PAK1: variants seen among roughly 807,000 people sequenced by gnomAD.
PAK1 encodes serine/threonine-protein kinase PAK 1.
In PAK1, 29 loss-of-function variants were observed where a neutral mutation model predicts 67.4. The ratio of observed to expected loss-of-function variants is 0.43; its 90% CI spans 0.32 to 0.59. The LOEUF (loss-of-function observed/expected upper bound fraction) is 0.59. Among genes scored for constraint, PAK1 ranks in the 20% least tolerant of loss-of-function variants. PAK1 has a pLI of 0.07. For missense variants in PAK1, 337 were observed against 670.7 expected, an observed-to-expected ratio of 0.50 and a Z score of 5.50; for synonymous variants, 223 against 237.4, an observed-to-expected ratio of 0.94 and a Z score of 0.56.
intron 1 of PAK1, among the ~76,000 whole-genome samples, chr11:77,402,324 T>C (rs1592280995): frequency 6.6e-6 from 1 of 152,178 alleles, no homozygotes; most frequent in Admixed American, 6.5e-5. Context: ...AGGCTGGCTC[T>C]GTACCTCTAA....
intron 1 of PAK1, among the ~76,000 whole-genome samples, chr11:77,394,002 CTAAA>C (rs1951506550): frequency 6.6e-6 from 1 of 151,894 alleles, no homozygotes. Context: ...GACTCTGTCT[CTAAA>C]TAAATAAAGA....
intron 1 of PAK1, among the ~76,000 whole-genome samples, chr11:77,424,097 C>A (rs1955427064): frequency 6.6e-6 from 1 of 152,230 alleles, no homozygotes; most frequent in Non-Finnish European, 1.5e-5. Context: ...GAAACCACTG[C>A]AGCTACTTCT....
chr11:77,361,538 T>C (rs1051483934), intron 5 of PAK1, among the ~76,000 whole-genome samples: 11 of 152,178 alleles, frequency 7.2e-5, no homozygotes, highest in African/African-American at 2.7e-4. Context: ...TGGAGGACTG[T>C]GAGTAGAACA....
chr11:77,413,290 A>T (rs947018449), intron 1 of PAK1, among the ~76,000 whole-genome samples: 1 of 152,204 alleles, frequency 6.6e-6, no homozygotes, highest in Non-Finnish European at 1.5e-5. Flanking sequence ...CTTCTCTCAG[A>T]GGTTCAGGCA....
chr11:77,471,636 T>C (rs1957860914), intron 1 of PAK1, among the ~76,000 whole-genome samples: 1 of 152,208 alleles, frequency 6.6e-6, no homozygotes, highest in African/African-American at 2.4e-5. Context: ...AAAGTGAGAC[T>C]GCAAAGGCAG....
the PAK1 span, among the ~76,000 whole-genome samples, chr11:77,520,180 T>C: frequency 1.3e-5 from 2 of 152,202 alleles, no homozygotes; most frequent in Admixed American, 6.5e-5. Flanking sequence ...GGCTGTCTCA[T>C]TCCCCCCTCT....
At chr11:77,347,263 C>T (rs1013936946) in intron 9 of PAK1, among the ~76,000 whole-genome samples, 51 of 152,310 alleles carry the variant, frequency 3.3e-4, no homozygotes, top group African/African-American at 1.2e-3. Flanking sequence ...CACCTACCTG[C>T]CTCCCATCAA....
chr11:77,322,881 C>G lies in PAK1; in HGVS notation c.*393G>C. On this transcript the variant is annotated 3_prime_UTR_variant, in exon 15 of 15. Coordinates refer to ENST00000356341, the MANE Select transcript of PAK1 (RefSeq NM_002576.5). ...ACAGAAAAGCAAGCACTAAAGAAAT[C>G]TCAATTGATTACAAATTGATAATAT... is the stretch of plus-strand genomic sequence containing the variant. 1.9e-6 allele frequency: 1 copy of G among 532,204 alleles called. No individual in the cohort carries two copies. The highest frequency in any genetic ancestry group is 3.3e-6 in the Non-Finnish European group (1 of 301,508). The allele number at this position is 532,204 out of a possible 1,614,324, so 33.0% of individuals were successfully genotyped here.
At chr11:77,439,198 G>A (rs1188878078) in intron 1 of PAK1, among the ~76,000 whole-genome samples, 1 of 152,080 alleles carries the variant, frequency 6.6e-6, no homozygotes, top group Non-Finnish European at 1.5e-5. Context: ...AAGAAAATGA[G>A]TGCTTCTACT....
intron 1 of PAK1, among the ~76,000 whole-genome samples, chr11:77,468,407 C>G (rs1957697792): frequency 2.0e-5 from 3 of 152,066 alleles, no homozygotes; most frequent in Admixed American, 6.5e-5. Flanking sequence ...CATGACTTTC[C>G]CCATCTCAAA....
intron 1 of PAK1, among the ~76,000 whole-genome samples, chr11:77,416,750 A>G (rs376742435): frequency 9.3e-4 from 141 of 152,270 alleles, no homozygotes; most frequent in Admixed American, 3.0e-3. Context: ...TCAGGAGATC[A>G]AGACCATCCT....
At chr11:77,456,546 G>T (rs1428919779) in intron 1 of PAK1, among the ~76,000 whole-genome samples, 2 of 152,084 alleles carry the variant, frequency 1.3e-5, no homozygotes, top group African/African-American at 4.8e-5. Context: ...TAGGAACAAA[G>T]GTTTTGAGGG....
intron 1 of PAK1, among the ~76,000 whole-genome samples, chr11:77,397,440 C>T (rs1202146308): frequency 1.3e-5 from 2 of 152,212 alleles, no homozygotes; most frequent in Non-Finnish European, 2.9e-5. Context: ...AGTCCCATCA[C>T]CTATGACCTG....
chr11:77,355,796 C>A lies in PAK1; in HGVS notation c.644G>T (p.Arg215Leu). Residue 215 changes from arginine (R) to leucine (L), a missense_variant, in exon 7 of 15, where the codon CGG becomes CTG. Transcript: ENST00000356341. ...TGAAATGGGAGATGTAGCCACGTCC[C>A]GAGTTGGAGTGACAGGAAGTGGTTC... Reference protein sequence around the residue: ...VIEPLPVTPTRDVATSPISPT... With the variant: ...VIEPLPVTPTLDVATSPISPT... 6.2e-7 allele frequency: 1 copy of A among 1,613,530 alleles called. No homozygotes were observed. Among genetic ancestry groups the A allele is most frequent in the South Asian group, 1.1e-5 (1 of 91,064 alleles).
chr11:77,358,958 A>G lies in PAK1; in HGVS notation c.537T>C (p.Asp179=). The change falls in exon 6 of 15, where the codon GAT becomes GAC. Residue 179 remains aspartate, a synonymous_variant. Transcript: ENST00000356341. ...AVPPVSEDED[D]DDDDATPPPV... The stretch of plus-strand genomic sequence containing the variant: ...GTGGTGGGGTAGCATCATCATCATC[A>G]TCATCCTCATCTTCTGAAACTGGTG... 6.2e-7 allele frequency: 1 copy of G among 1,613,304 alleles called. No homozygotes were observed. Among genetic ancestry groups the G allele is most frequent in the East Asian group, 2.2e-5 (1 of 44,856 alleles).
At chr11:77,517,183 G>A in the PAK1 span, among the ~76,000 whole-genome samples, 2 of 152,068 alleles carry the variant, frequency 1.3e-5, no homozygotes, top group African/African-American at 4.8e-5. Flanking sequence ...CCACACATAG[G>A]GCATTATAGC....
In PAK1 at chr11:77,401,026, G is replaced by A. The variant is rs115790591; in HGVS notation, c.-21-8485C>T. Reference sequence around the variant, plus strand: ...ACCACACTACACTGCTGACTCTAGAGGCAAAGGAAAGGAATAGATAACCTC... The same window carrying A: ...ACCACACTACACTGCTGACTCTAGAAGCAAAGGAAAGGAATAGATAACCTC... On this transcript the variant is annotated intron_variant, in intron 1 of 14. Transcript: ENST00000356341. Among the ~76,000 whole-genome samples the A allele has an allele frequency of 3.1e-3, 475 of 152,248 alleles. 4 individuals carry two copies. Among genetic ancestry groups the A allele is most frequent in the African/African-American group, 0.011 (444 of 41,532 alleles).
intron 14 of PAK1, among the ~76,000 whole-genome samples, chr11:77,323,872 C>A (rs1467788654): frequency 3.3e-5 from 5 of 152,134 alleles, no homozygotes; most frequent in African/African-American, 1.2e-4. Flanking sequence ...CGAGGTAAGC[C>A]TAACCATGGT....
At chr11:77,500,782 A>C in the PAK1 span, among the ~76,000 whole-genome samples, 1 of 151,978 alleles carries the variant, frequency 6.6e-6, no homozygotes, top group Non-Finnish European at 1.5e-5. Flanking sequence ...AGGTTGAGGC[A>C]GCAATGTGCT....
Sources: gnomAD v4.1 joint callset for allele counts (sites outside exome capture counted in the v4.1 genomes callset) on GRCh38, gnomAD v4.1.1 for gene constraint, MANE v1.5 for transcripts, NCBI Gene and HGNC (gene_info 2026-07-23, HGNC 2026-07-21) for gene names.